The following TEK variants were observed in gnomAD, a reference collection of about 807,000 sequenced individuals.
TEK encodes angiopoietin-1 receptor.
A neutral mutation model predicts 131.8 loss-of-function variants in TEK; 43 were observed. The ratio of observed to expected loss-of-function variants is 0.33; its 90% CI spans 0.26 to 0.42. TEK has a LOEUF of 0.42. Among genes scored for constraint, TEK ranks in the 10% least tolerant of loss-of-function variants. TEK has a pLI of 1.00. For missense variants in TEK, 1,162 were observed against 1,384.4 expected (o/e 0.84, Z 2.55); for synonymous variants, 580 against 491.6 (o/e 1.18, Z -2.38).
intron 8 of TEK, among the ~76,000 whole-genome samples, chr9:27,184,963 G>A (rs553828274): frequency 6.6e-6 from 1 of 152,034 alleles, no homozygotes; most frequent in Admixed American, 6.6e-5. Context: ...TTAAGGCCAG[G>A]AGTTTGAGGC....
In TEK at chr9:27,209,110, T is replaced by G; in HGVS notation, c.2576-11T>G. 6.3e-7 allele frequency: 1 copy of G among 1,599,504 alleles called. No homozygotes were observed. Among genetic ancestry groups the G allele is most frequent in the South Asian group, 1.1e-5 (1 of 90,790 alleles). ...ACAAAGAAGAATCACAACCCTTGACTTTCTTCCCAGAATATGCCTCCAAAG... is the reference window on the plus strand; with the variant it reads ...ACAAAGAAGAATCACAACCCTTGACGTTCTTCCCAGAATATGCCTCCAAAG... On this transcript the variant is annotated splice_polypyrimidine_tract_variant and intron_variant, in intron 15 of 22. Coordinates refer to ENST00000380036, the MANE Select transcript of TEK (RefSeq NM_000459.5).
At chr9:27,223,035 A>G (rs978686246) in intron 21 of TEK, among the ~76,000 whole-genome samples, 3 of 152,212 alleles carry the variant, frequency 2.0e-5, no homozygotes, top group African/African-American at 4.8e-5. Context: ...AGGACATTAC[A>G]TAATGGTAAA....
intron 2 of TEK, among the ~76,000 whole-genome samples, chr9:27,158,677 G>A (rs575110523): frequency 7.0e-6 from 1 of 142,838 alleles, no homozygotes; most frequent in African/African-American, 2.6e-5. Context: ...TTTTTTTTTG[G>A]GGGGGTGGAG....
At chr9:27,183,413 G>A in intron 7 of TEK, 46 bp from the exon 8 acceptor site, 1 of 1,597,728 alleles carries the variant, frequency 6.3e-7, no homozygotes, top group Non-Finnish European at 8.6e-7. Context: ...TACTGCTGCT[G>A]GCTCTGTTAA....
intron 6 of TEK, 149 bp from the exon 7 acceptor site, chr9:27,180,091 G>T (rs1237866288): frequency 8.5e-7 from 1 of 1,173,634 alleles, no homozygotes; most frequent in Non-Finnish European, 1.2e-6. Context: ...AGCTTTTTAA[G>T]TTCCTGGTAA....
chr9:27,196,616 G>A (rs2131194991), intron 11 of TEK, among the ~76,000 whole-genome samples: 1 of 152,196 alleles, frequency 6.6e-6, no homozygotes, highest in Non-Finnish European at 1.5e-5. Context: ...GTAACCATTG[G>A]CTCATGGTTC....
At chr9:27,126,707 T>C (rs1463548190) in intron 1 of TEK, among the ~76,000 whole-genome samples, 1 of 152,150 alleles carries the variant, frequency 6.6e-6, no homozygotes, top group Non-Finnish European at 1.5e-5. Flanking sequence ...AATGAGACTT[T>C]TAAGGACATT....
At chr9:27,196,162 T>C (rs1329009027) in intron 11 of TEK, among the ~76,000 whole-genome samples, 1 of 152,242 alleles carries the variant, frequency 6.6e-6, no homozygotes, top group Non-Finnish European at 1.5e-5. Context: ...TGTTTTGATT[T>C]TTATCAGTTT....
At chr9:27,124,405 A>G (rs779924148) in intron 1 of TEK, among the ~76,000 whole-genome samples, 1 of 152,226 alleles carries the variant, frequency 6.6e-6, no homozygotes, top group African/African-American at 2.4e-5. Context: ...TTCTTGGATC[A>G]GCGGATCACT....
At position 27,204,916 on chromosome 9, in the gene TEK, G is replaced by C. The variant is rs1421190789; in HGVS notation, c.2215G>C (p.Ala739Pro). Residue 739 changes from alanine to proline, a missense_variant, in exon 14 of 23, where the codon GCG becomes CCG. This residue lies in a region of TEK where 477 missense variants were observed against 471.0 expected (regional missense o/e 1.01). Transcript: ENST00000380036. Reference sequence around the variant, plus strand: ...ACCTCTGTCTTCCTGCACAGCACCAGCGGACCTCGGAGGGGGGAAGATGCT... The same window carrying C: ...ACCTCTGTCTTCCTGCACAGCACCACCGGACCTCGGAGGGGGGAAGATGCT... ...LVTLPESQAP[A>P]DLGGGKMLLI... 6.2e-7 allele frequency: 1 copy of C among 1,613,914 alleles called. No individual in the cohort carries two copies. The highest frequency in any genetic ancestry group is 8.5e-7 in the Non-Finnish European group (1 of 1,179,882).
At chr9:27,211,921 G>T (rs899077726) in intron 16 of TEK, among the ~76,000 whole-genome samples, 4 of 150,146 alleles carry the variant, frequency 2.7e-5, no homozygotes, top group Admixed American at 6.6e-5. Flanking sequence ...AAAAATTTTC[G>T]CAAGGGGATA....
At chr9:27,148,985 G>A (rs1823033126) in intron 1 of TEK, among the ~76,000 whole-genome samples, 1 of 152,112 alleles carries the variant, frequency 6.6e-6, no homozygotes, top group African/African-American at 2.4e-5. Context: ...CAGAATGTAA[G>A]CTTTTTGAAG....
chr9:27,197,245 T>G (rs1825060567), intron 11 of TEK, 70 bp from the exon 12 acceptor site: 1 of 1,535,894 alleles, frequency 6.5e-7, no homozygotes, highest in South Asian at 1.1e-5. Context: ...AGTATGAGAT[T>G]TGGGTGGGGA....
chr9:27,179,702 C>T (rs1296273418), intron 6 of TEK, among the ~76,000 whole-genome samples: 8 of 152,164 alleles, frequency 5.3e-5, no homozygotes, highest in South Asian at 2.1e-4. Flanking sequence ...CTATACTGAG[C>T]ATGCATGGAT....
rs1209596606 is a variant in TEK at position 27,175,547 on chromosome 9, T to C, written c.901+2185T>C. Among the ~76,000 whole-genome samples the C allele has an allele frequency of 2.0e-4, 31 of 152,182 alleles. No individual in the cohort carries two copies. The East Asian group carries it at 4.8e-3, about 24-fold the overall frequency. On this transcript the variant is annotated intron_variant, in intron 6 of 22. Coordinates refer to ENST00000380036, the MANE Select transcript of TEK (RefSeq NM_000459.5). The stretch of plus-strand genomic sequence containing the variant: ...AAAATGGTATTTCTAGTTCTAGATC[T>C]CTGAGGAATCGCCACACTGACTTCC...
At chr9:27,129,099 A>G (rs977447445) in intron 1 of TEK, among the ~76,000 whole-genome samples, 1 of 152,124 alleles carries the variant, frequency 6.6e-6, no homozygotes, top group Non-Finnish European at 1.5e-5. Context: ...TCATTATGAC[A>G]TTGGCTGTGG....
intron 1 of TEK, among the ~76,000 whole-genome samples, chr9:27,125,376 G>T (rs746407747): frequency 1.1e-4 from 17 of 152,232 alleles, no homozygotes; most frequent in Non-Finnish European, 1.9e-4. Flanking sequence ...TGCCAGCCAG[G>T]AAAAAGTCAC....
intron 16 of TEK, among the ~76,000 whole-genome samples, chr9:27,211,676 C>T (rs528316673): frequency 6.6e-6 from 1 of 151,786 alleles, no homozygotes; most frequent in Admixed American, 6.6e-5. Flanking sequence ...CAGTATACTG[C>T]CCAAGCTGGT....
rs550315921 is a variant in TEK, at chr9:27,225,298, A to C, written c.3201-2908A>C. ...CATAGCCAAGACAATCCTAAGCAAA[A>C]AGAACAAAACTGGAGGCATCAAGCT... On this transcript the variant is annotated intron_variant, in intron 21 of 22. Transcript: ENST00000380036. 8.5e-5 allele frequency among the ~76,000 whole-genome samples: 13 copies of C among 152,306 alleles called. 1 individual carries two copies. In the South Asian group the frequency reaches 2.7e-3, roughly 32 times the overall value.
Sources: gnomAD v4.1 joint callset for allele counts (sites outside exome capture counted in the v4.1 genomes callset) on GRCh38, gnomAD v4.1.1 for gene constraint, gnomAD v4.1.1 regional missense constraint, MANE v1.5 for transcripts, NCBI Gene and HGNC (gene_info 2026-07-23, HGNC 2026-07-21) for gene names.